NAGK: variants seen among roughly 807,000 people sequenced by gnomAD.
NAGK encodes the protein N-acetyl-D-glucosamine kinase.
A neutral mutation model predicts 42.9 loss-of-function variants in NAGK; 35 were observed. The ratio of observed to expected loss-of-function variants is 0.82; its 90% confidence interval spans 0.62 to 1.08. NAGK has a LOEUF of 1.08. Among genes scored for constraint, NAGK ranks in the 50% least tolerant of loss-of-function variants. The pLI is 0.00. For missense variants in NAGK, 446 were observed against 446.0 expected (o/e 1.00, Z 0.00); for synonymous variants, 172 against 176.0 (o/e 0.98, Z 0.18).
At chr2:71,070,421 T>C (rs1164973849) in intron 1 of NAGK, 81 bp from the exon 2 acceptor site, 1 of 1,200,358 alleles carries the variant, frequency 8.3e-7, no homozygotes, top group Non-Finnish European at 1.2e-6. Flanking sequence ...CATACTGGGC[T>C]CTGCCAGTGT....
chr2:71,071,693 C>T lies in NAGK; in HGVS notation c.221C>T (p.Ser74Phe). The stretch of plus-strand genomic sequence containing the variant: ...ACCTCCCGCGTGGCCTAGGGCCTAT[C>T]TCTGAGCGGTGGGGACCAGGAGGAC... ...PLVPLRSLGL[S>F]LSGGDQEDAG... Residue 74 changes from serine (S) to phenylalanine (F), a missense_variant, in exon 4 of 10, where the codon TCT (serine) becomes TTT (phenylalanine). Physicochemically the swap from Ser to Phe is radical, Grantham distance 155 (BLOSUM62 -2). Transcript: ENST00000244204. The T allele has an allele frequency of 6.2e-7, 1 of 1,613,240 alleles. No homozygotes were observed. The highest frequency in any genetic ancestry group is 8.5e-7 in the Non-Finnish European group (1 of 1,179,726).
chr2:71,069,275 G>A (rs1418391263), intron 1 of NAGK: 5 of 198,816 alleles, frequency 2.5e-5, no homozygotes, highest in Non-Finnish European at 4.5e-5. Flanking sequence ...TGAACTTTTT[G>A]TAATAGCTCT....
chr2:71,072,840 G>C (rs1438640955), intron 5 of NAGK, 89 bp downstream of exon 5: 1 of 1,206,868 alleles, frequency 8.3e-7, no homozygotes, highest in Non-Finnish European at 1.2e-6. Context: ...GGCTCACTGA[G>C]CCCTTGGGGC....
In NAGK at chr2:71,070,847, T is replaced by C. The variant is rs774865944; in HGVS notation, c.213+8T>C. 96 of 1,613,952 alleles carry C rather than the reference T, an allele frequency of 5.9e-5. No individual in the cohort carries two copies. The Admixed American group carries it at 1.5e-3, about 26-fold the overall frequency. On this transcript the variant is annotated splice_region_variant and intron_variant, in intron 3 of 9. Transcript: ENST00000244204. ...GTACCGCTGCGAAGCTTGGTGAGTC[T>C]GGGGCGGAGCCTGGGAATTCAGCCA...
At chr2:71,075,724 G>A in intron 7 of NAGK, 82 bp downstream of exon 7, 1 of 1,346,138 alleles carries the variant, frequency 7.4e-7, no homozygotes, top group African/African-American at 1.4e-5. Flanking sequence ...GTTCAGACAG[G>A]ACTGACAACA....
chr2:71,073,151 G>A, intron 5 of NAGK: 1 of 473,458 alleles, frequency 2.1e-6, no homozygotes, highest in Non-Finnish European at 3.9e-6. Context: ...ATTTTCATAG[G>A]GGCCCTTGAG....
upstream of NAGK, chr2:71,068,487 A>G (rs1190525045): frequency 4.9e-6 from 7 of 1,419,620 alleles, no homozygotes; most frequent in Non-Finnish European, 4.6e-6. Flanking sequence ...AGACACCAGA[A>G]GGAAGACAGC....
At chr2:71,075,202 G>A (rs1303462757) in intron 6 of NAGK, 2 of 185,260 alleles carry the variant, frequency 1.1e-5, no homozygotes, top group Non-Finnish European at 2.3e-5. Flanking sequence ...GGAGGCTGAC[G>A]TGGGAGGATT....
Position 71,078,407 on chromosome 2 carries a change from G to C in NAGK, c.934G>C (p.Ala312Pro). The change falls in exon 10 of 10, where the codon GCT (alanine) becomes CCT (proline). Residue 312 changes from alanine (A) to proline (P), a missense_variant. Transcript: ENST00000244204. ...FTLMKLRHSSALGGASLGARH... is the reference protein window; with the variant it reads ...FTLMKLRHSSPLGGASLGARH... ...CCTGATGAAGCTGAGGCACTCCTCC[G>C]CTCTGGGTGGGGCCAGCCTAGGGGC... 3 of 1,614,066 alleles carry C rather than the reference G, an allele frequency of 1.9e-6. No individual in the cohort carries two copies.
chr2:71,077,785 C>T (rs1672272449), intron 9 of NAGK, 149 bp downstream of exon 9: 1 of 750,938 alleles, frequency 1.3e-6, no homozygotes, highest in Non-Finnish European at 2.2e-6. Context: ...AGGCCCTCAA[C>T]CTCATTCTGC....
chr2:71,071,860 A>G lies in NAGK; in HGVS notation c.355+33A>G, dbSNP rs369297039. On this transcript the variant is annotated intron_variant, in intron 4 of 9. Coordinates refer to ENST00000244204, the MANE Select transcript of NAGK (RefSeq NM_017567.6). ...AGTGGAGGGAGGGGTGAGAGTGAGA[A>G]CTGGTTTTTTTGGGAAAGCCCCTTA... 17 of 1,610,702 alleles carry G rather than the reference A, an allele frequency of 1.1e-5. No homozygotes were observed. The African/African-American group carries it at 2.3e-4, about 22-fold the overall frequency.
chr2:71,071,559 C>G, intron 3 of NAGK, 127 bp from the exon 4 acceptor site: 1 of 1,307,200 alleles, frequency 7.6e-7, no homozygotes, highest in Non-Finnish European at 1.0e-6. Context: ...GAAAGGAGGA[C>G]TGGGGCTGGG....
chr2:71,075,422 C>T, intron 6 of NAGK, 133 bp from the exon 7 acceptor site: 1 of 645,528 alleles, frequency 1.5e-6, no homozygotes, highest in South Asian at 1.9e-5. Context: ...ATCTCAAATC[C>T]CTGTACTTTG....
rs772911286 is a variant in NAGK at position 71,078,338 on chromosome 2, C to T, written c.865C>T (p.Gln289Ter). Residue 289 changes from glutamine (Q) to a stop codon, truncating the protein, a stop_gained, in exon 10 of 10, where the codon CAG becomes TAG. Transcript: ENST00000244204. LOFTEE classifies it high-confidence loss of function. ...TCCAGGTTTTCTTCTGGCGCTGACC[C>T]AGGGCAGAGAGATCCAGGCTCAGAA... ...LKEGFLLALT[Q>*]GREIQAQNFF... 9.7e-5 allele frequency: 156 copies of T among 1,614,032 alleles called. 1 individual carries two copies. The highest frequency in any genetic ancestry group is 1.2e-4 in the Non-Finnish European group (141 of 1,180,036).
At chr2:71,075,278 AAAAG>A (rs1402078203) in intron 6 of NAGK, 1 of 318,358 alleles carries the variant, frequency 3.1e-6, no homozygotes, top group African/African-American at 2.1e-5. Context: ...AAATTACAAA[AAAAG>A]AGCAGCTCAA....
intron 8 of NAGK, 88 bp from the exon 9 acceptor site, chr2:71,077,470 A>G (rs1572984130): frequency 3.9e-6 from 5 of 1,276,862 alleles, no homozygotes; most frequent in Admixed American, 2.0e-5. Context: ...AGTAACTGGG[A>G]TAGAGTGGGT....
At chr2:71,074,722 C>T (rs1300323732) in intron 6 of NAGK, 9 of 152,236 alleles carry the variant, frequency 5.9e-5, no homozygotes, top group Non-Finnish European at 4.4e-5. Flanking sequence ...CAAGACCAGC[C>T]TGGCCAACAT....
In NAGK at chr2:71,076,775, T is replaced by G. The variant is rs114031757; in HGVS notation, c.765+74T>G. On this transcript the variant is annotated intron_variant, in intron 8 of 9. Coordinates refer to ENST00000244204, the MANE Select transcript of NAGK (RefSeq NM_017567.6). ...TCCTTTCCCACTGTGGATGGGACTA[T>G]CCCATCAAACCCTGCATAGATTGGA... The G allele has an allele frequency of 2.4e-6, 3 of 1,258,412 alleles. No homozygotes were observed. The South Asian group carries it at 3.7e-5, about 16-fold the overall frequency. 78.0% of individuals were successfully genotyped at this position (1,258,412 alleles called of 1,614,324 possible).
rs933462113 is a variant in NAGK at position 71,076,701 on chromosome 2, G to T, written c.765G>T (p.Pro255=). 6.2e-7 allele frequency: 1 copy of T among 1,612,154 alleles called. No individual in the cohort carries two copies. Among genetic ancestry groups the T allele is most frequent in the East Asian group, 2.2e-5 (1 of 44,854 alleles). ...TAGCAGTGTTGCCCGAGATTGACCC[G>T]GTGAGTTGAGGTGGGAGTGAAGGTG... ...HIVAVLPEID[P]VLFQGKIGLP... is the part of the protein sequence containing the mutation. Residue 255 remains proline, a splice_region_variant and synonymous_variant, in exon 8 of 10, where the codon CCG becomes CCT. Coordinates refer to ENST00000244204, the MANE Select transcript of NAGK (RefSeq NM_017567.6).
Sources: allele counts gnomAD v4.1 joint callset, GRCh38; gene constraint gnomAD v4.1.1; transcripts MANE v1.5; gene names NCBI Gene and HGNC (gene_info 2026-07-23, HGNC 2026-07-21).